Variants in UBASH3B observed in about 807,000 individuals in gnomAD.
UBASH3B encodes ubiquitin-associated and SH3 domain-containing protein B.
In UBASH3B, 37 loss-of-function variants were observed where a neutral mutation model predicts 83.4. The observed-to-expected ratio is 0.44, with a 90% confidence interval of 0.34 to 0.58. The LOEUF (loss-of-function observed/expected upper bound fraction) is 0.58, where lower values mean the gene tolerates loss of function less well. UBASH3B is among the 20% of genes least tolerant of loss of function. The pLI is 0.01. For synonymous variants in UBASH3B, 304 were observed against 318.3 expected (o/e 0.96, Z 0.48); for missense variants, 657 against 827.2 (o/e 0.79, Z 2.52).
chr11:122,705,008 A>G (rs1398567522), intron 1 of UBASH3B, among the ~76,000 whole-genome samples: 1 of 152,164 alleles, frequency 6.6e-6, no homozygotes, highest in Non-Finnish European at 1.5e-5. Context: ...TGTTACTGTA[A>G]CTATGGGAGG....
In UBASH3B at chr11:122,783,124, C is replaced by T; in HGVS notation, c.673C>T (p.Pro225Ser). ...TTACCACTTCCAAGCCAGCCACCTA[C>T]CCACCCTAGAGAAACTGGCCCAGAA... ...LAYHFQASHL[P>S]TLEKLAQNID... Residue 225 changes from proline (P) to serine (S), a missense_variant, in exon 5 of 14, where the codon CCC (proline) becomes TCC (serine). Coordinates refer to ENST00000284273, the MANE Select transcript of UBASH3B (RefSeq NM_032873.5). The T allele has an allele frequency of 6.2e-7, 1 of 1,614,160 alleles. No homozygotes were observed. Among genetic ancestry groups the T allele is most frequent in the Non-Finnish European group, 8.5e-7 (1 of 1,180,010 alleles).
rs1861408622 is a variant in UBASH3B, at chr11:122,809,866, G to C, written c.1930G>C (p.Glu644Gln). The C allele has an allele frequency of 6.2e-7, 1 of 1,614,174 alleles. No individual in the cohort carries two copies. The highest frequency in any genetic ancestry group is 2.2e-5 in the East Asian group (1 of 44,880). Residue 644 changes from glutamate to glutamine, a missense_variant, in exon 14 of 14, where the codon GAG becomes CAG. This residue lies in a region of UBASH3B where 573 missense variants were observed against 739.0 expected (regional missense o/e 0.78). Coordinates refer to ENST00000284273, the MANE Select transcript of UBASH3B (RefSeq NM_032873.5). ...HGPTGGFNWR[E>Q]TLLQE ...ACCAACTGGGGGCTTCAACTGGAGA[G>C]AGACCTTGCTTCAAGAATAAACCAC... is the stretch of plus-strand genomic sequence containing the variant.
Position 122,794,892 on chromosome 11 carries a change from A to G in UBASH3B, c.1113+58A>G, listed in dbSNP as rs2135171521. Reference sequence around the variant, plus strand: ...TCTAACCAGGATTCACTGAGAACCTATTTATTAAGCATGAGGCCTTGCCCT... The same window carrying G: ...TCTAACCAGGATTCACTGAGAACCTGTTTATTAAGCATGAGGCCTTGCCCT... On this transcript the variant is annotated intron_variant, in intron 7 of 13. Transcript: ENST00000284273. 6.2e-6 allele frequency: 10 copies of G among 1,604,686 alleles called. No individual in the cohort carries two copies. The South Asian group carries it at 1.0e-4, about 16-fold the overall frequency.
chr11:122,751,928 A>G (rs943135775), intron 1 of UBASH3B, among the ~76,000 whole-genome samples: 10 of 152,172 alleles, frequency 6.6e-5, no homozygotes, highest in African/African-American at 2.2e-4. Flanking sequence ...TCAGCTCTCC[A>G]AAGAAGAGCC....
intron 3 of UBASH3B, among the ~76,000 whole-genome samples, chr11:122,779,091 T>C (rs1860797947): frequency 6.6e-6 from 1 of 152,224 alleles, no homozygotes; most frequent in Non-Finnish European, 1.5e-5. Context: ...GCATATAATA[T>C]GTTATGATGA....
At chr11:122,742,828 C>T (rs1258246071) in intron 1 of UBASH3B, among the ~76,000 whole-genome samples, 4 of 152,252 alleles carry the variant, frequency 2.6e-5, no homozygotes, top group Non-Finnish European at 5.9e-5. Context: ...TTCCCCTTAA[C>T]CTTTTTCTCT....
At chr11:122,713,681 C>A (rs1305932886) in intron 1 of UBASH3B, among the ~76,000 whole-genome samples, 1 of 151,328 alleles carries the variant, frequency 6.6e-6, no homozygotes, top group Non-Finnish European at 1.5e-5. Flanking sequence ...TTTATCTCAG[C>A]CACTCCCAAA....
intron 11 of UBASH3B, among the ~76,000 whole-genome samples, chr11:122,805,728 G>A (rs762247705): frequency 1.2e-4 from 19 of 152,242 alleles, no homozygotes; most frequent in Non-Finnish European, 2.8e-4. Flanking sequence ...TGAGATTTGG[G>A]TGGGGGGCAC....
intron 1 of UBASH3B, among the ~76,000 whole-genome samples, chr11:122,679,029 T>C (rs1289350817): frequency 6.6e-6 from 1 of 152,062 alleles, no homozygotes; most frequent in Non-Finnish European, 1.5e-5. Flanking sequence ...ATTCAGGCTG[T>C]GAAGAGGTAC....
chr11:122,799,414 G>C (rs1323178272), intron 10 of UBASH3B, among the ~76,000 whole-genome samples: 1 of 151,722 alleles, frequency 6.6e-6, no homozygotes, highest in Admixed American at 6.6e-5. Context: ...TTGAACCCGG[G>C]AGGCGGAGGT....
At chr11:122,724,289 G>T (rs903064658) in intron 1 of UBASH3B, among the ~76,000 whole-genome samples, 1 of 152,206 alleles carries the variant, frequency 6.6e-6, no homozygotes, top group Non-Finnish European at 1.5e-5. Context: ...AGGTTTTGGC[G>T]AGGAGCAGAT....
chr11:122,719,655 G>A lies in UBASH3B; in HGVS notation c.162-56564G>A, dbSNP rs140767566. On this transcript the variant is annotated intron_variant, in intron 1 of 13. Coordinates refer to ENST00000284273, the MANE Select transcript of UBASH3B (RefSeq NM_032873.5). ...TGTTTCTCTTCTTGCAAAACCTAAA[G>A]TGTTAAATCAGATTCTTGAACAGTA... is the stretch of plus-strand genomic sequence containing the variant. Among the ~76,000 whole-genome samples, 735 of 152,296 alleles carry A rather than the reference G, an allele frequency of 4.8e-3. 10 individuals carry two copies. Among genetic ancestry groups the A allele is most frequent in the African/African-American group, 0.017 (707 of 41,564 alleles).
intron 4 of UBASH3B, among the ~76,000 whole-genome samples, chr11:122,781,857 C>A (rs1054411389): frequency 1.3e-5 from 2 of 152,076 alleles, no homozygotes; most frequent in African/African-American, 4.8e-5. Context: ...ACAGTGTAAG[C>A]GAGAGACAAA....
chr11:122,727,312 G>C (rs1282281700), intron 1 of UBASH3B, among the ~76,000 whole-genome samples: 3 of 152,174 alleles, frequency 2.0e-5, no homozygotes, highest in Non-Finnish European at 4.4e-5. Flanking sequence ...GCCAGTGTTG[G>C]CTGTAATTAG....
At chr11:122,716,499 C>T (rs1480394204) in intron 1 of UBASH3B, among the ~76,000 whole-genome samples, 1 of 152,154 alleles carries the variant, frequency 6.6e-6, no homozygotes, top group Non-Finnish European at 1.5e-5. Flanking sequence ...ACACATATGC[C>T]GTGAGTTAGC....
chr11:122,778,073 T>C (rs1018812015), intron 3 of UBASH3B, among the ~76,000 whole-genome samples: 2 of 152,144 alleles, frequency 1.3e-5, no homozygotes, highest in Non-Finnish European at 2.9e-5. Flanking sequence ...CACATGTAAA[T>C]ACATTTTGTC....
rs769285805 is a variant in UBASH3B at position 122,796,225 on chromosome 11, A to C, written c.1183A>C (p.Met395Leu). The C allele has an allele frequency of 3.7e-6, 6 of 1,613,992 alleles. No homozygotes were observed. The East Asian group carries it at 1.3e-4, about 36-fold the overall frequency. The change falls in exon 8 of 14, where the codon ATG becomes CTG. Residue 395 changes from methionine to leucine, a missense_variant. Transcript: ENST00000284273. ...TTTTGTGTGTCGGCATGGTGAGAGGATGGATGTTGTGTTTGGGAAGTACTG... is the reference window on the plus strand; with the variant it reads ...TTTTGTGTGTCGGCATGGTGAGAGGCTGGATGTTGTGTTTGGGAAGTACTG... ...CLFVCRHGER[M>L]DVVFGKYWLS...
intron 1 of UBASH3B, among the ~76,000 whole-genome samples, chr11:122,757,958 G>A (rs546211416): frequency 1.4e-3 from 208 of 147,160 alleles, no homozygotes; most frequent in African/African-American, 3.2e-3. Context: ...CACCCGCCTC[G>A]GCCTCCCAAA....
chr11:122,781,762 T>C (rs901731201), intron 4 of UBASH3B, among the ~76,000 whole-genome samples: 2 of 152,248 alleles, frequency 1.3e-5, no homozygotes, highest in African/African-American at 4.8e-5. Context: ...TCTTCCTCCA[T>C]TTGAAGTGGT....
Sources: allele counts gnomAD v4.1 joint callset (sites outside exome capture counted in the v4.1 genomes callset), GRCh38; gene constraint gnomAD v4.1.1; regional missense constraint gnomAD v4.1.1; transcripts MANE v1.5; gene names NCBI Gene and HGNC (gene_info 2026-07-23, HGNC 2026-07-21).